NFATC2: variants seen among roughly 807,000 people sequenced by gnomAD.
NFATC2 encodes nuclear factor of activated T-cells, cytoplasmic 2.
In NFATC2, 22 loss-of-function variants were observed where a neutral mutation model predicts 87.3. That is an observed-to-expected ratio of 0.25 (90% confidence interval 0.18 to 0.36). NFATC2 has a LOEUF of 0.36. Among genes scored for constraint, NFATC2 ranks in the 10% least tolerant of loss-of-function variants. The pLI is 1.00. For synonymous variants in NFATC2, 565 were observed against 542.2 expected (o/e 1.04, Z -0.58); for missense variants, 1,149 against 1,259.1 (o/e 0.91, Z 1.32).
chr20:51,498,367 C>G (rs952269482), intron 3 of NFATC2, among the ~76,000 whole-genome samples: 1 of 152,114 alleles, frequency 6.6e-6, no homozygotes, highest in Non-Finnish European at 1.5e-5. Context: ...AGGCACTGTG[C>G]TTGGGACTGG....
intron 9 of NFATC2, among the ~76,000 whole-genome samples, chr20:51,409,234 T>C (rs1269134554): frequency 6.6e-6 from 1 of 152,144 alleles, no homozygotes; most frequent in Non-Finnish European, 1.5e-5. Flanking sequence ...CTTGTCAGTA[T>C]AACCCTACAG....
chr20:51,408,473 C>T (rs1978679868), intron 9 of NFATC2, among the ~76,000 whole-genome samples: 1 of 144,370 alleles, frequency 6.9e-6, no homozygotes, highest in Non-Finnish European at 1.5e-5. Context: ...GAGATCGCGC[C>T]ACTGCACTCC....
chr20:51,465,712 T>A (rs563374108), intron 5 of NFATC2, among the ~76,000 whole-genome samples: 2 of 152,178 alleles, frequency 1.3e-5, no homozygotes, highest in African/African-American at 4.8e-5. Flanking sequence ...AACATGGTGA[T>A]GTTGCTGTTC....
intron 1 of NFATC2, among the ~76,000 whole-genome samples, chr20:51,553,352 C>T (rs1315069949): frequency 6.6e-6 from 1 of 152,194 alleles, no homozygotes; most frequent in African/African-American, 2.4e-5. Context: ...CTAGCACGTT[C>T]CCCTCTGTCT....
At chr20:51,462,009 C>T (rs973769867) in intron 5 of NFATC2, among the ~76,000 whole-genome samples, 2 of 152,072 alleles carry the variant, frequency 1.3e-5, no homozygotes, top group Admixed American at 6.6e-5. Context: ...ATCCCAGCTA[C>T]TTGGGAGGCT....
chr20:51,445,289 TC>T (rs1418442214), intron 6 of NFATC2, among the ~76,000 whole-genome samples: 2 of 152,070 alleles, frequency 1.3e-5, no homozygotes, highest in African/African-American at 4.8e-5. Flanking sequence ...CCTAAGCTCA[TC>T]TCCACGCTGG....
chr20:51,493,835 C>T (rs1362980749), intron 3 of NFATC2, among the ~76,000 whole-genome samples: 1 of 152,156 alleles, frequency 6.6e-6, no homozygotes, highest in Non-Finnish European at 1.5e-5. Flanking sequence ...TAGCAAAGAG[C>T]CAGCCCGGAA....
At chr20:51,397,463 G>A (rs775274442) in intron 10 of NFATC2, among the ~76,000 whole-genome samples, 1 of 152,236 alleles carries the variant, frequency 6.6e-6, no homozygotes, top group Non-Finnish European at 1.5e-5. Flanking sequence ...CCACAGGCCT[G>A]AGCCGCTGGC....
At chr20:51,455,740 GTGGGTGGGTGGATGGATGGA>G (rs1569000596) in intron 5 of NFATC2, among the ~76,000 whole-genome samples, 2 of 4,474 alleles carry the variant, frequency 4.5e-4, no homozygotes, top group South Asian at 0.013. Flanking sequence ...GGGTGGGTGG[GTGGGTGGGTGGATGGATGGA>G]TAGATGGGTG....
Position 51,524,217 on chromosome 20 carries a change from A to G in NFATC2, c.131-107T>C. On this transcript the variant is annotated intron_variant, in intron 1 of 10. Transcript: ENST00000371564. This position sits in a 1 kb window ranked among gnomAD's most constrained non-coding sequence, Gnocchi z 4.0. ...CGTCTCACGTCGTTTATTTTTTTCAAATTCCCACCATGCCAAACCCCAAGC... is the reference window on the plus strand; with the variant it reads ...CGTCTCACGTCGTTTATTTTTTTCAGATTCCCACCATGCCAAACCCCAAGC... 3 of 1,074,398 alleles carry G rather than the reference A, an allele frequency of 2.8e-6. No homozygotes were observed. Among genetic ancestry groups the G allele is most frequent in the Non-Finnish European group, 3.7e-6 (3 of 816,020 alleles). 66.6% of individuals were successfully genotyped at this position (1,074,398 alleles called of 1,614,324 possible). A position where few individuals can be genotyped will look rare whatever the true frequency, so the allele number is the denominator to read the frequency against.
At chr20:51,478,028 T>C (rs1988906561) in intron 3 of NFATC2, among the ~76,000 whole-genome samples, 1 of 152,148 alleles carries the variant, frequency 6.6e-6, no homozygotes, top group African/African-American at 2.4e-5. Flanking sequence ...TATTGAACAA[T>C]GCTGGTCTAG....
chr20:51,435,962 T>C (rs950057587), intron 6 of NFATC2, among the ~76,000 whole-genome samples: 2 of 152,168 alleles, frequency 1.3e-5, no homozygotes, highest in African/African-American at 4.8e-5. Flanking sequence ...ATGGTGTCAA[T>C]AGAAAACAAG....
In NFATC2 at chr20:51,394,126, G is replaced by GGGTAGGAACCTCCTCTTTCTGAAAT. The variant is rs566483539; in HGVS notation, c.*45-2700_*45-2676dup. On this transcript the variant is annotated intron_variant, in intron 10 of 10. Coordinates refer to ENST00000371564, the MANE Select transcript of NFATC2 (RefSeq NM_012340.5). ...GTTCAACTGCCGCCCAAACCTCTCTGGGTAGGAACCTCCTCTTTCTGAAAT... is the reference window on the plus strand; with the variant it reads ...GTTCAACTGCCGCCCAAACCTCTCTGGGTAGGAACCTCCTCTTTCTGAAATGGTAGGAACCTCCTCTTTCTGAAAT... Among the ~76,000 whole-genome samples the GGGTAGGAACCTCCTCTTTCTGAAAT allele has an allele frequency of 1.8e-4, 28 of 152,234 alleles. No individual in the cohort carries two copies. The East Asian group carries it at 5.2e-3, about 28-fold the overall frequency.
At chr20:51,405,107 A>G (rs1988429785) in intron 9 of NFATC2, among the ~76,000 whole-genome samples, 1 of 152,182 alleles carries the variant, frequency 6.6e-6, no homozygotes, top group African/African-American at 2.4e-5. Context: ...CAAGATGGCA[A>G]GAGGAGCCAC....
At chr20:51,412,578 G>C (rs1979405214) in intron 9 of NFATC2, among the ~76,000 whole-genome samples, 1 of 152,178 alleles carries the variant, frequency 6.6e-6, no homozygotes, top group South Asian at 2.1e-4. Context: ...CACAGCAGGA[G>C]GGAGGCCCCG....
At chr20:51,400,853 T>C (rs1987959178) in intron 9 of NFATC2, among the ~76,000 whole-genome samples, 1 of 151,944 alleles carries the variant, frequency 6.6e-6, no homozygotes, top group Admixed American at 6.5e-5. Context: ...CCTCCTAGCA[T>C]TGGGTAGAGA....
At chr20:51,455,677 A>G (rs1306751822) in intron 5 of NFATC2, among the ~76,000 whole-genome samples, 1 of 93,052 alleles carries the variant, frequency 1.1e-5, no homozygotes, top group Non-Finnish European at 2.0e-5. Context: ...GACCAGGAAT[A>G]GTGCCAAGAA....
chr20:51,495,036 TA>T (rs2146600678), intron 3 of NFATC2, among the ~76,000 whole-genome samples: 1 of 152,230 alleles, frequency 6.6e-6, no homozygotes, highest in South Asian at 2.1e-4. Flanking sequence ...GGGGGCAAAG[TA>T]AGAACCAACC....
intron 10 of NFATC2, among the ~76,000 whole-genome samples, chr20:51,394,090 A>G (rs1225051641): frequency 6.6e-6 from 1 of 152,082 alleles, no homozygotes; most frequent in Non-Finnish European, 1.5e-5. Flanking sequence ...GGGGTGGTGA[A>G]GTGGCCCTGA....
Sources: gnomAD v4.1 joint callset for allele counts (sites outside exome capture counted in the v4.1 genomes callset) on GRCh38, gnomAD v4.1.1 for gene constraint, Gnocchi (gnomAD v3.1) non-coding constraint, MANE v1.5 for transcripts, NCBI Gene and HGNC (gene_info 2026-07-23, HGNC 2026-07-21) for gene names.